The following N4BP2L2 variants were observed in gnomAD, a reference collection of about 807,000 sequenced individuals.
The protein encoded by N4BP2L2 is NEDD4 binding protein 2 like 2.
Under a neutral mutation model 56.2 loss-of-function variants are expected in N4BP2L2, and 50 were observed. The ratio of observed to expected loss-of-function variants is 0.89; its 90% CI spans 0.71 to 1.13. The LOEUF is 1.13. Ranked by LOEUF, N4BP2L2 falls within the 50% of genes most tolerant of loss-of-function variation. The pLI is 0.00. For missense variants in N4BP2L2, 689 were observed against 693.8 expected, an observed-to-expected ratio of 0.99 and a Z score of 0.08; for synonymous variants, 203 against 223.6, an observed-to-expected ratio of 0.91 and a Z score of 0.82.
intron 1 of N4BP2L2, 81 bp from the exon 2 acceptor site, chr13:32,537,108 G>A: frequency 2.0e-6 from 2 of 978,676 alleles, no homozygotes; most frequent in Non-Finnish European, 2.8e-6. Flanking sequence ...CAAGAAATTA[G>A]ACAAAGACAT....
chr13:32,528,896 G>C (rs2053852862), intron 2 of N4BP2L2, among the ~76,000 whole-genome samples: 1 of 152,140 alleles, frequency 6.6e-6, no homozygotes, highest in Admixed American at 6.5e-5. Flanking sequence ...ATATCCATGG[G>C]AGATTGGTTC....
At chr13:32,515,122 A>G (rs2048919093) in exon 6 of N4BP2L2, 1 of 149,494 alleles carries the variant, frequency 6.7e-6, no homozygotes, top group African/African-American at 2.5e-5. Context: ...TGGGTGATCC[A>G]GAGAAAGACT....
exon 6 of N4BP2L2, chr13:32,515,144 A>G (rs2048931562): frequency 6.6e-6 from 1 of 152,036 alleles, no homozygotes; most frequent in Non-Finnish European, 1.5e-5. Context: ...TGTCTCAAAA[A>G]AAAAAAAAAA....
chr13:32,513,582 G>C (rs1390391381), exon 6 of N4BP2L2: 2 of 152,012 alleles, frequency 1.3e-5, no homozygotes, highest in Non-Finnish European at 2.9e-5. Flanking sequence ...AACTTTAATA[G>C]GAAAATTTTT....
chr13:32,487,110 T>C (rs1371315870), intron 6 of N4BP2L2, among the ~76,000 whole-genome samples: 3 of 152,120 alleles, frequency 2.0e-5, no homozygotes, highest in Non-Finnish European at 4.4e-5. Flanking sequence ...AAGGATCACA[T>C]GAGGCCAGGA....
At chr13:32,536,445 C>G (rs1415727600) in exon 2 of N4BP2L2, 1 of 1,613,222 alleles carries the variant, frequency 6.2e-7, no homozygotes, top group Non-Finnish European at 8.5e-7. Flanking sequence ...GGTTCAGATT[C>G]TTTACAACTG....
chr13:32,478,500 C>G (rs890830732), intron 6 of N4BP2L2: 4 of 156,330 alleles, frequency 2.6e-5, no homozygotes, highest in Admixed American at 2.5e-4. Flanking sequence ...TACTCTGTCA[C>G]CACAGAAGCT....
exon 7 of N4BP2L2, chr13:32,442,855 T>A (rs755059242): frequency 4.3e-6 from 7 of 1,613,628 alleles, no homozygotes; most frequent in Non-Finnish European, 5.9e-6. Context: ...TTTGATAATA[T>A]CAAGGTAAAA....
intron 6 of N4BP2L2, chr13:32,446,498 G>GA (rs1382495916): frequency 3.8e-6 from 5 of 1,309,852 alleles, no homozygotes; most frequent in Non-Finnish European, 5.0e-6. Flanking sequence ...AGGGCAAGGA[G>GA]AAAAAGAACA....
At chr13:32,443,710 G>A (rs1708620116) in exon 7 of N4BP2L2, 1 of 1,591,690 alleles carries the variant, frequency 6.3e-7, no homozygotes, top group Non-Finnish European at 8.5e-7. Context: ...AGTCAGTATT[G>A]GACAAGTAAC....
chr13:32,514,330 A>C (rs1242498437), exon 6 of N4BP2L2: 1 of 152,224 alleles, frequency 6.6e-6, no homozygotes, highest in Non-Finnish European at 1.5e-5. Context: ...ATTTACCACA[A>C]AAAAGTAACT....
chr13:32,474,458 G>A (rs2082885185), intron 6 of N4BP2L2, among the ~76,000 whole-genome samples: 1 of 151,958 alleles, frequency 6.6e-6, no homozygotes, highest in Non-Finnish European at 1.5e-5. Flanking sequence ...GGGAGGCCGA[G>A]GTGGGCGAAT....
In N4BP2L2 at chr13:32,517,854, C is replaced by T. The variant is rs1321413277; in HGVS notation, c.1700G>A (p.Trp567Ter). Residue 567 changes from tryptophan (W) to a stop codon, truncating the protein, a stop_gained, in exon 6 of 6, where the codon TGG (tryptophan) becomes TAG (stop). Transcript: ENST00000267068. LOFTEE classifies it high-confidence loss of function. ...ATTATGTGAGCCAAGAGAGCCTCCCCACCTCTGTCTCCCCTGTGGAGGAGG... is the reference window on the plus strand; with the variant it reads ...ATTATGTGAGCCAAGAGAGCCTCCCTACCTCTGTCTCCCCTGTGGAGGAGG... 1 of 1,613,982 alleles carries T rather than the reference C, an allele frequency of 6.2e-7. No homozygotes were observed. The highest frequency in any genetic ancestry group is 8.5e-7 in the Non-Finnish European group (1 of 1,180,008).
chr13:32,492,916 G>GTTTTTTTTTTTTTTTTTTTTTT (rs35025430), intron 6 of N4BP2L2, among the ~76,000 whole-genome samples: 1 of 107,516 alleles, frequency 9.3e-6, no homozygotes, highest in African/African-American at 3.7e-5. Context: ...TAGCTTTTCT[G>GTTTTTTTTTTTTTTTTTTTTTT]TTTTTTTTTT....
At chr13:32,518,866 T>C (rs980825540) in intron 5 of N4BP2L2, among the ~76,000 whole-genome samples, 2 of 152,166 alleles carry the variant, frequency 1.3e-5, no homozygotes, top group Non-Finnish European at 2.9e-5. Context: ...TGAGGTTATA[T>C]GACACTAAAA....
chr13:32,527,678 C>G (rs984646021), intron 2 of N4BP2L2, 146 bp from the exon 3 acceptor site: 13 of 844,384 alleles, frequency 1.5e-5, no homozygotes, highest in Non-Finnish European at 2.4e-5. Flanking sequence ...GAAAGTATAT[C>G]ACGAACAGAC....
chr13:32,474,527 TA>T (rs34753353), intron 6 of N4BP2L2, among the ~76,000 whole-genome samples: 422 of 136,052 alleles, frequency 3.1e-3, no homozygotes, highest in African/African-American at 3.5e-3. Context: ...CTGTCTCTAC[TA>T]AAAAAAAAAA....
At position 32,513,159 on chromosome 13, in the gene N4BP2L2, T is replaced by C. The variant is rs1341030394; in HGVS notation, c.*4643A>G. 4 of 152,354 alleles carry C rather than the reference T, an allele frequency of 2.6e-5. No individual in the cohort carries two copies. In the East Asian group the frequency reaches 5.8e-4, roughly 22 times the overall value. The allele number at this position is 152,354 out of a possible 1,614,324, so 9.4% of individuals were successfully genotyped here. A position where few individuals can be genotyped will look rare whatever the true frequency, so the allele number is the denominator to read the frequency against. On this transcript the variant is annotated 3_prime_UTR_variant, in exon 6 of 6. Coordinates refer to ENST00000267068, the Ensembl canonical transcript of N4BP2L2. ...TTGAGAGTAAATTGTAGCCATTCTT[T>C]TACATGTTTTCTGAACTTAGTTGCC...
At chr13:32,466,262 G>A (rs1467658390) in intron 6 of N4BP2L2, among the ~76,000 whole-genome samples, 3 of 151,962 alleles carry the variant, frequency 2.0e-5, no homozygotes, top group Non-Finnish European at 2.9e-5. Flanking sequence ...AAACAATATT[G>A]AGCAAAAGAA....
Sources: gnomAD v4.1 joint callset for allele counts (sites outside exome capture counted in the v4.1 genomes callset) on GRCh38, gnomAD v4.1.1 for gene constraint, MANE v1.5 for transcripts, NCBI Gene and HGNC (gene_info 2026-07-23, HGNC 2026-07-21) for gene names.